AGAP3: variants seen among roughly 807,000 people sequenced by gnomAD.
AGAP3 encodes arf-GAP with GTPase, ANK repeat and PH domain-containing protein 3.
In AGAP3, 24 loss-of-function variants were observed where a neutral mutation model predicts 96.9. The observed-to-expected ratio is 0.25, with a 90% CI of 0.18 to 0.35. The LOEUF (loss-of-function observed/expected upper bound fraction) is 0.35, where lower values mean the gene tolerates loss of function less well. AGAP3 is among the 10% of genes least tolerant of loss of function. The pLI is 1.00. For synonymous variants in AGAP3, 563 were observed against 536.1 expected, an observed-to-expected ratio of 1.05 and a Z score of -0.69; for missense variants, 876 against 1,254.2, an observed-to-expected ratio of 0.70 and a Z score of 4.55.
At chr7:151,119,907 C>T in intron 7 of AGAP3, 80 bp from the exon 8 acceptor site, 1 of 1,455,290 alleles carries the variant, frequency 6.9e-7, no homozygotes, top group South Asian at 1.2e-5. Context: ...CCCCCATTAG[C>T]ACAGGGATTC....
At chr7:151,135,444 A>C (rs1321049808) in intron 11 of AGAP3, among the ~76,000 whole-genome samples, 1 of 152,264 alleles carries the variant, frequency 6.6e-6, no homozygotes, top group Non-Finnish European at 1.5e-5. Context: ...AGGATGTGAC[A>C]GACTTAGTGG....
At position 151,143,322 on chromosome 7, in the gene AGAP3, G is replaced by A. The variant is rs375918390; in HGVS notation, c.2274-19G>A. 1.3e-6 allele frequency: 2 copies of A among 1,597,856 alleles called. No individual in the cohort carries two copies. Among genetic ancestry groups the A allele is most frequent in the South Asian group, 2.3e-5 (2 of 88,714 alleles). The stretch of plus-strand genomic sequence containing the variant: ...GGTGACCTTCCTTGGCTCATGCCCT[G>A]ATGGGCCTGTGGTTGCAGAGAGGAG... On this transcript the variant is annotated intron_variant, in intron 16 of 17. Transcript: ENST00000397238. This position sits in a 1 kb window ranked among gnomAD's most constrained non-coding sequence, Gnocchi z 5.9.
At position 151,138,323 on chromosome 7, in the gene AGAP3, G is replaced by A; in HGVS notation, c.1666+10G>A. On this transcript the variant is annotated intron_variant, in intron 12 of 17. Transcript: ENST00000397238. ...GGCATGCAGCACCCTGGTGAGTGGT[G>A]GCTCTGCTGCTTCCCACCTTTTCTG... 1.2e-6 allele frequency: 2 copies of A among 1,600,672 alleles called. No individual in the cohort carries two copies. The highest frequency in any genetic ancestry group is 1.7e-6 in the Non-Finnish European group (2 of 1,172,368).
chr7:151,097,130 A>T (rs1021034686), intron 1 of AGAP3, among the ~76,000 whole-genome samples: 10 of 152,156 alleles, frequency 6.6e-5, no homozygotes, highest in Non-Finnish European at 1.5e-4. Context: ...AAGATTTTTT[A>T]AAAGTGAGAT....
intron 8 of AGAP3, 76 bp downstream of exon 8, chr7:151,120,221 GA>G: frequency 2.0e-6 from 3 of 1,481,084 alleles, no homozygotes; most frequent in Non-Finnish European, 2.7e-6. Context: ...TCCCAGCCAG[GA>G]GGGGCGTGGG....
chr7:151,113,667 T>C (rs1054845611), intron 1 of AGAP3, among the ~76,000 whole-genome samples: 3 of 152,240 alleles, frequency 2.0e-5, no homozygotes, highest in African/African-American at 7.2e-5. Context: ...TCCTGATCCG[T>C]GGCTGGTATT....
At chr7:151,129,449 G>A (rs1800314833) in intron 10 of AGAP3, among the ~76,000 whole-genome samples, 1 of 152,130 alleles carries the variant, frequency 6.6e-6, no homozygotes, top group Non-Finnish European at 1.5e-5. Flanking sequence ...CATCACCCAG[G>A]CCCGAGAGCA....
intron 10 of AGAP3, 132 bp from the exon 11 acceptor site, chr7:151,134,268 A>C: frequency 3.0e-6 from 3 of 991,694 alleles, no homozygotes; most frequent in Non-Finnish European, 4.6e-6. Flanking sequence ...TCTGTGGCTT[A>C]GAATCCTGCT....
chr7:151,089,251 T>C (rs1460430793), intron 1 of AGAP3, among the ~76,000 whole-genome samples: 4 of 152,246 alleles, frequency 2.6e-5, no homozygotes, highest in Non-Finnish European at 4.4e-5. Flanking sequence ...ATATTGCTTC[T>C]GTCCTGCGAA....
In AGAP3 at chr7:151,139,414, G is replaced by T. The variant is rs772937931; in HGVS notation, c.1667-565G>T. 7.2e-5 allele frequency among the ~76,000 whole-genome samples: 11 copies of T among 152,220 alleles called. No individual in the cohort carries two copies. Among genetic ancestry groups the T allele is most frequent in the Non-Finnish European group, 1.6e-4 (11 of 68,042 alleles). Reference sequence around the variant, plus strand: ...CTTCCCTTGGGTCACCGGTCCGGTGGCCTGTGCTGGCCTGCGTGAGGGCCC... The same window carrying T: ...CTTCCCTTGGGTCACCGGTCCGGTGTCCTGTGCTGGCCTGCGTGAGGGCCC... On this transcript the variant is annotated intron_variant, in intron 12 of 17. Coordinates refer to ENST00000397238, the MANE Select transcript of AGAP3 (RefSeq NM_031946.7). The surrounding 1 kb of genome is among the most constrained non-coding windows in gnomAD (Gnocchi z 4.9).
In AGAP3 at chr7:151,140,217, T is replaced by G. The variant is rs778873269; in HGVS notation, c.1804+101T>G. On this transcript the variant is annotated intron_variant, in intron 13 of 17. Transcript: ENST00000397238. This position sits in a 1 kb window ranked among gnomAD's most constrained non-coding sequence, Gnocchi z 5.4. Reference sequence around the variant, plus strand: ...CCTATTTTTTATTTTTTGTATTCAGTGGATTAAGCACTTTCTAGTAGTTGC... The same window carrying G: ...CCTATTTTTTATTTTTTGTATTCAGGGGATTAAGCACTTTCTAGTAGTTGC... 4.7e-6 allele frequency: 6 copies of G among 1,283,448 alleles called. No individual in the cohort carries two copies. The highest frequency in any genetic ancestry group is 5.0e-6 in the Non-Finnish European group (5 of 999,940). The allele number at this position is 1,283,448 out of a possible 1,614,324, so 79.5% of individuals were successfully genotyped here.
At chr7:151,135,667 G>A (rs938870884) in intron 11 of AGAP3, among the ~76,000 whole-genome samples, 5 of 152,214 alleles carry the variant, frequency 3.3e-5, no homozygotes, top group African/African-American at 4.8e-5. Flanking sequence ...CAGAAACACC[G>A]TGGACCAGCC....
Position 151,140,359 on chromosome 7 carries a change from G to A in AGAP3, c.1804+243G>A. Reference sequence around the variant, plus strand: ...GTGGGCTTACTTCATTTATTCTTAAGGTAAAAGACAGCAGACTGCTACATC... The same window carrying A: ...GTGGGCTTACTTCATTTATTCTTAAAGTAAAAGACAGCAGACTGCTACATC... On this transcript the variant is annotated intron_variant, in intron 13 of 17. Coordinates refer to ENST00000397238, the MANE Select transcript of AGAP3 (RefSeq NM_031946.7). The surrounding 1 kb of genome is among the most constrained non-coding windows in gnomAD (Gnocchi z 5.4). 2.7e-6 allele frequency: 1 copy of A among 364,936 alleles called. No homozygotes were observed. The highest frequency in any genetic ancestry group is 4.7e-6 in the Non-Finnish European group (1 of 210,580). 22.6% of individuals were successfully genotyped at this position (364,936 alleles called of 1,614,324 possible).
rs1471091116 is a variant in AGAP3, at chr7:151,086,857, C to G, written c.116C>G (p.Ala39Gly). 6 of 982,168 alleles carry G rather than the reference C, an allele frequency of 6.1e-6. No individual in the cohort carries two copies. Among genetic ancestry groups the G allele is most frequent in the Non-Finnish European group, 6.0e-6 (5 of 833,424 alleles). The allele number at this position is 982,168 out of a possible 1,614,324, so 60.8% of individuals were successfully genotyped here. The change falls in exon 1 of 18, where the codon GCG (alanine) becomes GGG (glycine). Residue 39 changes from alanine (A) to glycine (G), a missense_variant. By Grantham distance (60) the Ala-to-Gly change is moderately conservative (BLOSUM62 0). Around this residue, in one of 8 missense-constraint regions of AGAP3, gnomAD observed 62 missense variants for 82.8 expected, o/e 0.75. Coordinates refer to ENST00000397238, the MANE Select transcript of AGAP3 (RefSeq NM_031946.7). ...QLVCGGQFGG[A>G]GPGAGGGGGP... ...GTCTGCGGCGGGCAGTTCGGCGGCG[C>G]GGGGCCCGGGGCCGGGGGCGGCGGC...
chr7:151,141,757 T>C lies in AGAP3; in HGVS notation c.1805-141T>C, dbSNP rs1273363597. 33 of 1,001,756 alleles carry C rather than the reference T, an allele frequency of 3.3e-5. No homozygotes were observed. Among genetic ancestry groups the C allele is most frequent in the Non-Finnish European group, 5.0e-5 (33 of 655,668 alleles). The allele number at this position is 1,001,756 out of a possible 1,614,324, so 62.1% of individuals were successfully genotyped here. On this transcript the variant is annotated intron_variant, in intron 13 of 17. Transcript: ENST00000397238. This position sits in a 1 kb window ranked among gnomAD's most constrained non-coding sequence, Gnocchi z 4.2. ...CCTCCCCCTGCAAGCTGTCCTGGAG[T>C]GTGTGGCCTTGCAGCTGGGGAAGGG... is the stretch of plus-strand genomic sequence containing the variant.
chr7:151,116,896 G>GA, intron 2 of AGAP3, 45 bp downstream of exon 2: 1 of 1,611,258 alleles, frequency 6.2e-7, no homozygotes, highest in Non-Finnish European at 8.5e-7. Flanking sequence ...GAGCTGGGGG[G>GA]GCGAGGCTGG....
intron 1 of AGAP3, among the ~76,000 whole-genome samples, chr7:151,113,416 G>A (rs542186853): frequency 6.6e-6 from 1 of 152,158 alleles, no homozygotes; most frequent in South Asian, 2.1e-4. Flanking sequence ...AATTTCCAGC[G>A]CTCTTTTCTG....
chr7:151,138,358 T>G, intron 12 of AGAP3, 45 bp downstream of exon 12: 1 of 1,561,686 alleles, frequency 6.4e-7, no homozygotes, highest in Non-Finnish European at 8.7e-7. Flanking sequence ...GGGGCCCCAG[T>G]GACAGAGAGG....
intron 10 of AGAP3, among the ~76,000 whole-genome samples, chr7:151,130,145 C>T (rs893175396): frequency 2.6e-5 from 4 of 152,214 alleles, no homozygotes; most frequent in African/African-American, 7.2e-5. Context: ...TGGAGCTGCC[C>T]TTCCCCTTCC....
Sources: allele counts gnomAD v4.1 joint callset (sites outside exome capture counted in the v4.1 genomes callset), GRCh38; gene constraint gnomAD v4.1.1; regional missense constraint gnomAD v4.1.1; non-coding constraint Gnocchi (gnomAD v3.1); transcripts MANE v1.5; gene names NCBI Gene and HGNC (gene_info 2026-07-23, HGNC 2026-07-21).